MARCHF6: variants seen among roughly 807,000 people sequenced by gnomAD.
MARCHF6 encodes the protein E3 ubiquitin-protein ligase MARCHF6.
A neutral mutation model predicts 133.7 loss-of-function variants in MARCHF6; 31 were observed. That is an observed-to-expected ratio of 0.23 (90% CI 0.17 to 0.31). The LOEUF (loss-of-function observed/expected upper bound fraction) is 0.31. Ranked by LOEUF, MARCHF6 falls within the 10% of genes least tolerant of loss-of-function variation. MARCHF6 has a pLI of 1.00. For synonymous variants in MARCHF6, 395 were observed against 402.5 expected (o/e 0.98, Z 0.22); for missense variants, 723 against 1,121.6 (o/e 0.64, Z 5.08).
chr5:10,378,144 C>T (rs1561109592), intron 2 of MARCHF6, among the ~76,000 whole-genome samples: 1 of 151,966 alleles, frequency 6.6e-6, no homozygotes, highest in African/African-American at 2.4e-5. Context: ...ACGTAATTAC[C>T]CATTGTTTAT....
At chr5:10,408,658 C>G (rs537277846) in intron 17 of MARCHF6, among the ~76,000 whole-genome samples, 1 of 152,198 alleles carries the variant, frequency 6.6e-6, no homozygotes, top group South Asian at 2.1e-4. Flanking sequence ...CCCACTTCAG[C>G]GTCCCGGGTA....
chr5:10,390,635 G>T, intron 6 of MARCHF6, 135 bp downstream of exon 6: 1 of 873,222 alleles, frequency 1.1e-6, no homozygotes, highest in Non-Finnish European at 1.7e-6. Flanking sequence ...GCAGCGGAAA[G>T]GTTTGGGTGA....
At chr5:10,419,564 G>A (rs1335256303) in intron 22 of MARCHF6, among the ~76,000 whole-genome samples, 1 of 151,084 alleles carries the variant, frequency 6.6e-6, no homozygotes. Context: ...TGTAAGAGCC[G>A]TATTCCAGAG....
chr5:10,430,061 AG>A (rs747668595), intron 25 of MARCHF6, 33 bp downstream of exon 25: 3 of 1,588,154 alleles, frequency 1.9e-6, no homozygotes, highest in Non-Finnish European at 2.6e-6. Context: ...CTCTTGTTTA[AG>A]TGTTTTCACT....
chr5:10,423,922 G>T, intron 23 of MARCHF6, 98 bp downstream of exon 23: 23 of 720,950 alleles, frequency 3.2e-5, no homozygotes, highest in Non-Finnish European at 4.4e-5. Flanking sequence ...ACCTTGCTGA[G>T]TTTTCTACAT....
At chr5:10,371,009 A>G (rs73740708) in intron 1 of MARCHF6, among the ~76,000 whole-genome samples, 48 of 152,312 alleles carry the variant, frequency 3.2e-4, no homozygotes, top group African/African-American at 1.2e-3. Context: ...GTGGGGAAGA[A>G]GCATGATAAG....
chr5:10,430,724 C>T (rs1048274613), intron 25 of MARCHF6, among the ~76,000 whole-genome samples: 2 of 152,160 alleles, frequency 1.3e-5, no homozygotes, highest in African/African-American at 4.8e-5. Context: ...ACTAGCAGTG[C>T]CTGCATAAGC....
chr5:10,398,324 T>C (rs1738311491), intron 10 of MARCHF6, among the ~76,000 whole-genome samples: 1 of 152,208 alleles, frequency 6.6e-6, no homozygotes, highest in Admixed American at 6.5e-5. Flanking sequence ...TTTGAATATT[T>C]GGACTGAGGA....
At chr5:10,415,432 A>T (rs1365568147) in intron 20 of MARCHF6, 56 bp from the exon 21 acceptor site, 3 of 1,442,338 alleles carry the variant, frequency 2.1e-6, no homozygotes, top group South Asian at 1.2e-5. Flanking sequence ...CAACATGAAG[A>T]TGACAATTCT....
At chr5:10,398,140 A>C (rs1015930542) in intron 10 of MARCHF6, among the ~76,000 whole-genome samples, 3 of 152,172 alleles carry the variant, frequency 2.0e-5, no homozygotes, top group African/African-American at 7.2e-5. Flanking sequence ...GGGATAATCT[A>C]TGAGAAATTC....
chr5:10,407,185 C>T lies in MARCHF6; in HGVS notation c.1536C>T (p.Tyr512=), dbSNP rs1239362613. ...GTGTGCTGCCTAATTTTCTTCCATA[C>T]AATGTCATGCTCTACAGGTAAGTTT... ...IKSVLPNFLP[Y]NVMLYSDAPV... is the part of the protein sequence containing the mutation. Residue 512 remains tyrosine (Y), a synonymous_variant, in exon 17 of 26, where the codon TAC becomes TAT. Transcript: ENST00000274140. 1 of 1,607,784 alleles carries T rather than the reference C, an allele frequency of 6.2e-7. No homozygotes were observed. Among genetic ancestry groups the T allele is most frequent in the Non-Finnish European group, 8.5e-7 (1 of 1,175,078 alleles).
chr5:10,406,890 A>C (rs577316040), intron 16 of MARCHF6, among the ~76,000 whole-genome samples: 1 of 152,118 alleles, frequency 6.6e-6, no homozygotes, highest in Non-Finnish European at 1.5e-5. Flanking sequence ...TGTGTCCTAG[A>C]TGGGAGGTCC....
intron 3 of MARCHF6, among the ~76,000 whole-genome samples, chr5:10,380,317 A>C (rs1304310307): frequency 6.6e-6 from 1 of 152,198 alleles, no homozygotes; most frequent in Non-Finnish European, 1.5e-5. Flanking sequence ...TCATCATAAA[A>C]AAGTCAATTC....
intron 16 of MARCHF6, among the ~76,000 whole-genome samples, chr5:10,406,612 A>G (rs1186774822): frequency 6.6e-6 from 1 of 151,758 alleles, no homozygotes; most frequent in Non-Finnish European, 1.5e-5. Context: ...TTGGTCTCGA[A>G]CTCCTGACAT....
At chr5:10,396,588 G>C (rs1317556980) in intron 9 of MARCHF6, among the ~76,000 whole-genome samples, 1 of 152,174 alleles carries the variant, frequency 6.6e-6, no homozygotes, top group African/African-American at 2.4e-5. Context: ...CATTTAACTT[G>C]ATGGTTGCGG....
intron 1 of MARCHF6, 169 bp downstream of exon 1, chr5:10,354,086 C>A (rs1351591460): frequency 9.5e-6 from 5 of 525,216 alleles, no homozygotes. Context: ...TGACCCTCTG[C>A]GCGCCCCCCG....
At chr5:10,420,837 T>C (rs935758768) in intron 22 of MARCHF6, among the ~76,000 whole-genome samples, 1 of 152,200 alleles carries the variant, frequency 6.6e-6, no homozygotes, top group African/African-American at 2.4e-5. Context: ...CTTCTGCCAC[T>C]TTTTCTAGAT....
chr5:10,404,528 G>A (rs1173872929), intron 15 of MARCHF6, among the ~76,000 whole-genome samples: 2 of 152,216 alleles, frequency 1.3e-5, no homozygotes, highest in Admixed American at 6.5e-5. Context: ...TGGGGTTTCA[G>A]TGAGAAACAA....
intron 10 of MARCHF6, 31 bp downstream of exon 10, chr5:10,397,375 A>G: frequency 1.4e-6 from 2 of 1,463,616 alleles, no homozygotes; most frequent in Non-Finnish European, 1.9e-6. Flanking sequence ...TTTTTTTTAT[A>G]GTATTATGGT....
Sources: gnomAD v4.1 joint callset for allele counts (sites outside exome capture counted in the v4.1 genomes callset) on GRCh38, gnomAD v4.1.1 for gene constraint, MANE v1.5 for transcripts, NCBI Gene and HGNC (gene_info 2026-07-23, HGNC 2026-07-21) for gene names.